The following SPAG16 variants were observed in gnomAD, a reference collection of about 807,000 sequenced individuals.
SPAG16 encodes sperm associated antigen 16.
A neutral mutation model predicts 80.4 loss-of-function variants in SPAG16; 86 were observed. The ratio of observed to expected loss-of-function variants is 1.07; its 90% CI spans 0.90 to 1.28. The LOEUF is 1.28. Among genes scored for constraint, SPAG16 ranks in the 50% most tolerant of loss-of-function variants. The probability of loss-of-function intolerance (pLI) is 0.00; values close to 1 mark genes in which losing one functional copy is unlikely to be tolerated. For missense variants in SPAG16, 870 were observed against 765.3 expected, an observed-to-expected ratio of 1.14 and a Z score of -1.61; for synonymous variants, 294 against 265.9, an observed-to-expected ratio of 1.11 and a Z score of -1.03.
intron 10 of SPAG16, among the ~76,000 whole-genome samples, chr2:213,537,336 CA>C (rs891037617): frequency 3.3e-5 from 5 of 150,866 alleles, no homozygotes; most frequent in Non-Finnish European, 5.9e-5. Context: ...AACAAACAAA[CA>C]AAAAAAAGCA....
At chr2:213,865,329 G>T (rs1357926378) in intron 11 of SPAG16, among the ~76,000 whole-genome samples, 1 of 151,854 alleles carries the variant, frequency 6.6e-6, no homozygotes, top group Non-Finnish European at 1.5e-5. Flanking sequence ...TAATAACCAT[G>T]AATGAGATTA....
At chr2:213,476,563 A>T (rs1265021870) in intron 9 of SPAG16, among the ~76,000 whole-genome samples, 1 of 152,252 alleles carries the variant, frequency 6.6e-6, no homozygotes, top group Non-Finnish European at 1.5e-5. Flanking sequence ...ATCTGAGGAC[A>T]AGAAGCCTCG....
rs13382294 is a variant in SPAG16 at position 214,304,619 on chromosome 2, G to A, written c.1721-105521G>A. Among the ~76,000 whole-genome samples the A allele has an allele frequency of 1.3e-3, 194 of 152,236 alleles. 3 individuals carry two copies. Among genetic ancestry groups the A allele is most frequent in the African/African-American group, 4.5e-3 (186 of 41,536 alleles). ...CAACTCTGAAGGCTGTGAGACCCCT[G>A]ATTTTCCACTTCACACCTCTATATT... On this transcript the variant is annotated intron_variant, in intron 15 of 15. Transcript: ENST00000331683.
At chr2:214,249,675 A>G (rs1690107815) in intron 15 of SPAG16, among the ~76,000 whole-genome samples, 1 of 152,180 alleles carries the variant, frequency 6.6e-6, no homozygotes. Flanking sequence ...AAAGCACGTA[A>G]ACATTTAAAA....
intron 12 of SPAG16, among the ~76,000 whole-genome samples, chr2:213,955,915 A>G (rs912950550): frequency 1.3e-5 from 2 of 151,502 alleles, no homozygotes; most frequent in Non-Finnish European, 2.9e-5. Flanking sequence ...AAGTTTGTCA[A>G]TTTTGTTGAA....
At chr2:213,835,418 G>A (rs779215118) in intron 10 of SPAG16, among the ~76,000 whole-genome samples, 4 of 152,112 alleles carry the variant, frequency 2.6e-5, no homozygotes, top group Non-Finnish European at 5.9e-5. Flanking sequence ...TTCTTTTTGA[G>A]TGGAATAGAG....
At chr2:214,131,047 T>A (rs1307768423) in intron 14 of SPAG16, among the ~76,000 whole-genome samples, 1 of 152,190 alleles carries the variant, frequency 6.6e-6, no homozygotes, top group Non-Finnish European at 1.5e-5. Flanking sequence ...AGGACTGTGC[T>A]TTCAATTTGG....
At chr2:214,182,499 A>G (rs1171868990) in intron 15 of SPAG16, among the ~76,000 whole-genome samples, 1 of 151,916 alleles carries the variant, frequency 6.6e-6, no homozygotes, top group African/African-American at 2.4e-5. Flanking sequence ...TATAAATGCT[A>G]CAAGATTATA....
At chr2:214,351,119 T>C (rs986786398) in intron 15 of SPAG16, among the ~76,000 whole-genome samples, 10 of 152,146 alleles carry the variant, frequency 6.6e-5, no homozygotes, top group Admixed American at 3.3e-4. Context: ...ATAGATTTTA[T>C]TGTAATCCTT....
At chr2:213,534,842 C>G (rs1319370210) in intron 10 of SPAG16, among the ~76,000 whole-genome samples, 1 of 152,082 alleles carries the variant, frequency 6.6e-6, no homozygotes, top group African/African-American at 2.4e-5. Flanking sequence ...TTCTAACTTC[C>G]TGCACATTAG....
At chr2:213,694,920 A>G (rs2065095726) in intron 10 of SPAG16, among the ~76,000 whole-genome samples, 1 of 152,148 alleles carries the variant, frequency 6.6e-6, no homozygotes, top group South Asian at 2.1e-4. Flanking sequence ...ACCTCCCAGT[A>G]GTATGGGGTC....
At chr2:214,350,502 T>A (rs1442246808) in intron 15 of SPAG16, among the ~76,000 whole-genome samples, 1 of 152,230 alleles carries the variant, frequency 6.6e-6, no homozygotes, top group Non-Finnish European at 1.5e-5. Context: ...TCTTTTGATA[T>A]GTAAGAGACA....
In SPAG16 at chr2:213,843,600, C is replaced by T. The variant is rs576334834; in HGVS notation, c.1071-18885C>T. On this transcript the variant is annotated intron_variant, in intron 10 of 15. Coordinates refer to ENST00000331683, the MANE Select transcript of SPAG16 (RefSeq NM_024532.5). ...GCGAGGTGGCTCATGCCTGTAATCC[C>T]AGCACTTTGGGAGGCTGAAGCGGGT... Among the ~76,000 whole-genome samples the T allele has an allele frequency of 5.3e-5, 8 of 152,294 alleles. 1 individual carries two copies. In the South Asian group the frequency reaches 1.7e-3, roughly 32 times the overall value.
rs1329869756 is a variant in SPAG16, at chr2:213,869,253, C to CAAAAAAAA, written c.1214+6630_1214+6637dup. Among the ~76,000 whole-genome samples the CAAAAAAAA allele has an allele frequency of 8.2e-4, 68 of 82,772 alleles. 4 individuals are homozygous for CAAAAAAAA. The highest frequency in any genetic ancestry group is 1.8e-3 in the African/African-American group (45 of 24,476). 54.3% of individuals were successfully genotyped at this position (82,772 alleles called of 152,430 possible). On this transcript the variant is annotated intron_variant, in intron 11 of 15. Transcript: ENST00000331683. ...GGGCAACAAGAGCTAAAGTCCATGT[C>CAAAAAAAA]AAAAAAAAAAAATATATATATATAT...
At chr2:214,257,843 TCTCA>T (rs1469147550) in intron 15 of SPAG16, among the ~76,000 whole-genome samples, 1 of 152,086 alleles carries the variant, frequency 6.6e-6, no homozygotes, top group Non-Finnish European at 1.5e-5. Context: ...TGGGAAGTGT[TCTCA>T]CTCTATTTGA....
intron 15 of SPAG16, among the ~76,000 whole-genome samples, chr2:214,155,552 G>A (rs2056176209): frequency 6.6e-6 from 1 of 151,798 alleles, no homozygotes; most frequent in South Asian, 2.1e-4. Flanking sequence ...TGCCCAGTCT[G>A]GTCTGGAACT....
intron 10 of SPAG16, among the ~76,000 whole-genome samples, chr2:213,625,953 G>T (rs2061947350): frequency 6.6e-6 from 1 of 152,068 alleles, no homozygotes; most frequent in Admixed American, 6.6e-5. Context: ...GTCTCCCAAA[G>T]TGCTGAGATT....
intron 15 of SPAG16, among the ~76,000 whole-genome samples, chr2:214,163,635 TATAG>T (rs1371638508): frequency 2.6e-5 from 3 of 114,940 alleles, no homozygotes; most frequent in Admixed American, 8.9e-5. Flanking sequence ...TACATATATA[TATAG>T]AGAGAGAGAG....
At chr2:213,489,904 C>G in intron 9 of SPAG16, 59 bp from the exon 10 acceptor site, 1 of 1,343,144 alleles carries the variant, frequency 7.4e-7, no homozygotes. Context: ...ATCAGAGTAT[C>G]AACCTGTGCA....
Sources: allele counts gnomAD v4.1 joint callset (sites outside exome capture counted in the v4.1 genomes callset), GRCh38; gene constraint gnomAD v4.1.1; transcripts MANE v1.5; gene names NCBI Gene and HGNC (gene_info 2026-07-23, HGNC 2026-07-21).